Variants in MEGF6 observed in about 807,000 individuals in gnomAD.
MEGF6 encodes the protein multiple epidermal growth factor-like domains protein 6.
Under a neutral mutation model 207.1 loss-of-function variants are expected in MEGF6, and 184 were observed. The ratio of observed to expected loss-of-function variants is 0.89; its 90% CI spans 0.79 to 1.00. The LOEUF (loss-of-function observed/expected upper bound fraction) is 1.00, where lower values mean the gene tolerates loss of function less well. Among genes scored for constraint, MEGF6 ranks in the 50% least tolerant of loss-of-function variants. The pLI is 0.00. For synonymous variants in MEGF6, 1,038 were observed against 910.0 expected (o/e 1.14, Z -2.53); for missense variants, 2,282 against 2,202.9 (o/e 1.04, Z -0.72).
chr1:3,500,310 C>T (rs1640800608), intron 21 of MEGF6, among the ~76,000 whole-genome samples: 1 of 152,260 alleles, frequency 6.6e-6, no homozygotes, highest in Non-Finnish European at 1.5e-5. Flanking sequence ...AGACCCTGCC[C>T]CCTCCTGCTG....
intron 20 of MEGF6, 67 bp downstream of exon 20, chr1:3,500,899 A>G (rs2100928985): frequency 1.9e-6 from 3 of 1,606,442 alleles, no homozygotes; most frequent in Non-Finnish European, 2.5e-6. Flanking sequence ...GGCCCTGGGC[A>G]GAGGCCTCTC....
intron 4 of MEGF6, among the ~76,000 whole-genome samples, chr1:3,553,961 A>C (rs1231030736): frequency 1.3e-5 from 2 of 152,124 alleles, no homozygotes; most frequent in African/African-American, 4.8e-5. Context: ...CCTCCCCAGG[A>C]ATGTTCTGCC....
At chr1:3,514,212 C>T (rs1450578903) in intron 7 of MEGF6, among the ~76,000 whole-genome samples, 1 of 150,982 alleles carries the variant, frequency 6.6e-6, no homozygotes, top group African/African-American at 2.4e-5. Context: ...CACGCCACTG[C>T]ACTCCAGCCT....
intron 2 of MEGF6, among the ~76,000 whole-genome samples, chr1:3,598,887 G>A (rs1338742888): frequency 6.6e-6 from 1 of 152,214 alleles, no homozygotes; most frequent in East Asian, 1.9e-4. Flanking sequence ...GCAGAGCGCG[G>A]GAGCCCCTTT....
chr1:3,594,833 A>G lies in MEGF6; in HGVS notation c.376+505T>C, dbSNP rs1644033930. Among the ~76,000 whole-genome samples the G allele has an allele frequency of 6.6e-6, 1 of 152,132 alleles. No homozygotes were observed. Among genetic ancestry groups the G allele is most frequent in the Admixed American group, 6.5e-5 (1 of 15,286 alleles). Reference sequence around the variant, plus strand: ...GTCGTATGCAGCACGGGCCTCTCCAATTGTGCTGGCTACATAACGGAGAGA... The same window carrying G: ...GTCGTATGCAGCACGGGCCTCTCCAGTTGTGCTGGCTACATAACGGAGAGA... On this transcript the variant is annotated intron_variant, in intron 3 of 36. Transcript: ENST00000356575. This position sits in a 1 kb window ranked among gnomAD's most constrained non-coding sequence, Gnocchi z 4.2.
At chr1:3,621,497 A>G in the MEGF6 span, among the ~76,000 whole-genome samples, 2 of 152,240 alleles carry the variant, frequency 1.3e-5, no homozygotes, top group Non-Finnish European at 2.9e-5. Flanking sequence ...AGCAATTACT[A>G]CAAATTAATG....
intron 4 of MEGF6, among the ~76,000 whole-genome samples, chr1:3,569,781 G>C (rs1296118968): frequency 6.6e-6 from 1 of 152,186 alleles, no homozygotes; most frequent in African/African-American, 2.4e-5. Flanking sequence ...AGGGGCAGTT[G>C]GGGGAGCCTA....
At chr1:3,604,425 C>T (rs532939082) in intron 1 of MEGF6, among the ~76,000 whole-genome samples, 7 of 152,182 alleles carry the variant, frequency 4.6e-5, no homozygotes, top group African/African-American at 1.2e-4. Context: ...CAGCTGCAGC[C>T]GAGAAGCCTC....
Position 3,497,096 on chromosome 1 carries a change from C to A in MEGF6, c.3505G>T (p.Glu1169Ter). 6.4e-7 allele frequency: 1 copy of A among 1,572,202 alleles called. No individual in the cohort carries two copies. The highest frequency in any genetic ancestry group is 2.3e-5 in the East Asian group (1 of 42,960). Residue 1169 changes from glutamate (E) to a stop codon, truncating the protein, a stop_gained, in exon 28 of 37, where the codon GAG becomes TAG. Coordinates refer to ENST00000356575, the MANE Select transcript of MEGF6 (RefSeq NM_001409.4). LOFTEE classifies it high-confidence loss of function. Reference protein sequence around the residue: ...EQACPPGSFGEDCAQMCQCPG... With the variant: ...EQACPPGSFG ...CACTGGCACATCTGCGCACAGTCCT[C>A]CCCAAAGCTGCCGGGTGGGCAGGCT...
chr1:3,511,549 C>A lies in MEGF6; in HGVS notation c.1114+1G>T. 6.2e-7 allele frequency: 1 copy of A among 1,603,438 alleles called. No individual in the cohort carries two copies. Among genetic ancestry groups the A allele is most frequent in the Non-Finnish European group, 8.5e-7 (1 of 1,172,998 alleles). Reference sequence around the variant, plus strand: ...GGCATCTGGGAGGAGCCAGTGCGCACCGATGCAGGTCCTCTGATCTGTGTC... The same window carrying A: ...GGCATCTGGGAGGAGCCAGTGCGCAACGATGCAGGTCCTCTGATCTGTGTC... On this transcript the variant is annotated splice_donor_variant, in intron 9 of 36. Coordinates refer to ENST00000356575, the MANE Select transcript of MEGF6 (RefSeq NM_001409.4). LOFTEE classifies it high-confidence loss of function.
intron 3 of MEGF6, among the ~76,000 whole-genome samples, chr1:3,582,961 C>T (rs1017978708): frequency 1.4e-4 from 22 of 152,162 alleles, no homozygotes; most frequent in African/African-American, 3.1e-4. Flanking sequence ...ATCGCTGTCA[C>T]GCACCCAGTT....
intron 4 of MEGF6, among the ~76,000 whole-genome samples, chr1:3,549,109 C>T (rs1003676151): frequency 3.3e-5 from 5 of 152,150 alleles, no homozygotes; most frequent in East Asian, 3.9e-4. Context: ...CGTGGCTCCG[C>T]GCTGGGTGAT....
intron 4 of MEGF6, among the ~76,000 whole-genome samples, chr1:3,529,381 C>T (rs1642071650): frequency 6.6e-6 from 1 of 152,212 alleles, no homozygotes; most frequent in Non-Finnish European, 1.5e-5. Context: ...ATCCACTGTC[C>T]CTGTCCAGCC....
intron 7 of MEGF6, among the ~76,000 whole-genome samples, chr1:3,512,535 G>A (rs1201201184): frequency 6.6e-6 from 1 of 152,242 alleles, no homozygotes; most frequent in Non-Finnish European, 1.5e-5. Flanking sequence ...GAGGAGCCCG[G>A]TGGGAGGTGA....
chr1:3,570,834 T>TG (rs1643473627), intron 4 of MEGF6, among the ~76,000 whole-genome samples: 1 of 152,066 alleles, frequency 6.6e-6, no homozygotes, highest in African/African-American at 2.4e-5. Flanking sequence ...AGGAGGCTAG[T>TG]CATCCTCCCC....
intron 26 of MEGF6, 121 bp downstream of exon 26, chr1:3,498,250 C>G (rs992628936): frequency 7.8e-7 from 1 of 1,286,540 alleles, no homozygotes; most frequent in Non-Finnish European, 1.0e-6. Context: ...CTTGCATTCA[C>G]AGGACAACAG....
intron 1 of MEGF6, among the ~76,000 whole-genome samples, chr1:3,606,386 G>A (rs1644250107): frequency 6.6e-6 from 1 of 152,248 alleles, no homozygotes; most frequent in African/African-American, 2.4e-5. Flanking sequence ...GTAACCCCAG[G>A]CCTAGCGGTT....
intron 17 of MEGF6, among the ~76,000 whole-genome samples, chr1:3,503,286 C>T (rs745327596): frequency 2.0e-5 from 3 of 152,132 alleles, no homozygotes; most frequent in South Asian, 2.1e-4. Flanking sequence ...GGCTGGGTGG[C>T]GTCAGGGAAC....
chr1:3,531,434 C>G lies in MEGF6; in HGVS notation c.482-7188G>C, dbSNP rs1242025869. 2.0e-5 allele frequency: 22 copies of G among 1,120,260 alleles called. No homozygotes were observed. The East Asian group carries it at 1.1e-3, about 54-fold the overall frequency. The allele number at this position is 1,120,260 out of a possible 1,614,324, so 69.4% of individuals were successfully genotyped here. A position where few individuals can be genotyped will look rare whatever the true frequency, so the allele number is the denominator to read the frequency against. ...TCTGGGCCGGGCGCGCCCCGCCCCTCGCCTTTAAGTTCTCAGCTTTCCCTC... is the reference window on the plus strand; with the variant it reads ...TCTGGGCCGGGCGCGCCCCGCCCCTGGCCTTTAAGTTCTCAGCTTTCCCTC... On this transcript the variant is annotated intron_variant, in intron 4 of 36. Coordinates refer to ENST00000356575, the MANE Select transcript of MEGF6 (RefSeq NM_001409.4).
Sources: gnomAD v4.1 joint callset for allele counts (sites outside exome capture counted in the v4.1 genomes callset) on GRCh38, gnomAD v4.1.1 for gene constraint, Gnocchi (gnomAD v3.1) non-coding constraint, MANE v1.5 for transcripts, NCBI Gene and HGNC (gene_info 2026-07-23, HGNC 2026-07-21) for gene names.